Variants in CNBD1 observed in about 807,000 individuals in gnomAD.
CNBD1 encodes cyclic nucleotide binding domain containing 1, also known as cyclic nucleotide-binding domain-containing protein 1.
In CNBD1, 71 loss-of-function variants were observed where a neutral mutation model predicts 54.4. That is an observed-to-expected ratio of 1.30 (90% CI 1.08 to 1.59). The LOEUF is 1.59. CNBD1 is among the 40% of genes most tolerant of loss of function. CNBD1 has a pLI of 0.00. For synonymous variants in CNBD1, 182 were observed against 170.7 expected, an observed-to-expected ratio of 1.07 and a Z score of -0.51; for missense variants, 659 against 518.0, an observed-to-expected ratio of 1.27 and a Z score of -2.64.
chr8:87,011,119 T>A (rs1180397264), intron 4 of CNBD1, among the ~76,000 whole-genome samples: 1 of 151,974 alleles, frequency 6.6e-6, no homozygotes, highest in Non-Finnish European at 1.5e-5. Flanking sequence ...GTTTATTTTG[T>A]CCCTAAAGTG....
At chr8:86,966,174 T>G (rs1216942034) in intron 4 of CNBD1, among the ~76,000 whole-genome samples, 1 of 152,176 alleles carries the variant, frequency 6.6e-6, no homozygotes, top group Non-Finnish European at 1.5e-5. Flanking sequence ...CGGGACCTCC[T>G]TGGCCTGAAG....
chr8:87,178,917 G>C (rs1316616079), intron 4 of CNBD1, among the ~76,000 whole-genome samples: 3 of 152,114 alleles, frequency 2.0e-5, no homozygotes, highest in Admixed American at 2.0e-4. Context: ...TTGTTTGTTT[G>C]TTTGTTTGAG....
chr8:87,026,504 G>T lies in CNBD1; in HGVS notation c.431+86750G>T, dbSNP rs961173705. Among the ~76,000 whole-genome samples, 8 of 151,982 alleles carry T rather than the reference G, an allele frequency of 5.3e-5. No individual in the cohort carries two copies. The East Asian group carries it at 9.7e-4, about 18-fold the overall frequency. ...GTAAGCAAAATCTATTCTAAATTCT[G>T]CCTAATCTTCAGATTATTGGTTTAT... On this transcript the variant is annotated intron_variant, in intron 4 of 10. Transcript: ENST00000518476.
At chr8:87,427,240 G>GT (rs1257775606) in intron 2 of CNBD1, among the ~76,000 whole-genome samples, 4 of 152,102 alleles carry the variant, frequency 2.6e-5, no homozygotes. Flanking sequence ...TCTTTTGTAT[G>GT]TTAGTTGGCT....
intron 4 of CNBD1, among the ~76,000 whole-genome samples, chr8:87,078,043 C>T (rs1309352742): frequency 2.0e-5 from 3 of 152,170 alleles, no homozygotes; most frequent in Non-Finnish European, 4.4e-5. Context: ...TTCCAAATGT[C>T]ATCACATTAA....
intron 10 of CNBD1, among the ~76,000 whole-genome samples, chr8:87,358,586 G>C (rs181271177): frequency 1.3e-4 from 20 of 152,096 alleles, no homozygotes; most frequent in African/African-American, 4.8e-4. Flanking sequence ...GAACCAATAG[G>C]ATATATATAA....
At chr8:87,427,937 G>GC (rs367723282) in intron 2 of CNBD1, among the ~76,000 whole-genome samples, 11 of 152,074 alleles carry the variant, frequency 7.2e-5, no homozygotes, top group African/African-American at 2.4e-4. Context: ...CTTCACCAAA[G>GC]CCCCCCCAGC....
chr8:87,238,822 A>G (rs1457312019), intron 6 of CNBD1, among the ~76,000 whole-genome samples: 2 of 152,056 alleles, frequency 1.3e-5, no homozygotes, highest in African/African-American at 2.4e-5. Context: ...GGATTAGATC[A>G]TTCATCTTAA....
At chr8:86,992,044 T>C (rs1808760774) in intron 4 of CNBD1, among the ~76,000 whole-genome samples, 1 of 152,136 alleles carries the variant, frequency 6.6e-6, no homozygotes, top group South Asian at 2.1e-4. Context: ...TGAGTGTAAA[T>C]TTTGAGTCTA....
chr8:87,044,852 C>G (rs543540837), intron 4 of CNBD1, among the ~76,000 whole-genome samples: 1 of 152,284 alleles, frequency 6.6e-6, no homozygotes, highest in Admixed American at 6.5e-5. Context: ...ACCTTGGCTG[C>G]CTGGCCTACT....
intron 4 of CNBD1, among the ~76,000 whole-genome samples, chr8:87,131,769 G>GA (rs1042294216): frequency 2.6e-5 from 4 of 151,380 alleles, no homozygotes; most frequent in Admixed American, 6.6e-5. Flanking sequence ...ATCAAATTAT[G>GA]AAAAAAAATA....
intron 4 of CNBD1, among the ~76,000 whole-genome samples, chr8:86,988,711 C>T (rs529827394): frequency 9.9e-5 from 15 of 152,162 alleles, no homozygotes; most frequent in South Asian, 4.2e-4. Context: ...TTATTCTCTT[C>T]TCTACCTCCA....
rs551567799 is a variant in CNBD1, at chr8:87,173,963, T to G, written c.432-32030T>G. Among the ~76,000 whole-genome samples, 204 of 146,256 alleles carry G rather than the reference T, an allele frequency of 1.4e-3. 3 individuals carry two copies. The highest frequency in any genetic ancestry group is 5.3e-3 in the African/African-American group (192 of 36,448). On this transcript the variant is annotated intron_variant, in intron 4 of 10. Coordinates refer to ENST00000518476, the MANE Select transcript of CNBD1 (RefSeq NM_173538.3). ...TTGTTTCTTTTTATTTATTTATTTA[T>G]TATTATTATTATTTTTGATGGAGTC...
At chr8:87,108,025 A>G (rs751764160) in intron 4 of CNBD1, among the ~76,000 whole-genome samples, 10 of 152,218 alleles carry the variant, frequency 6.6e-5, no homozygotes, top group Non-Finnish European at 1.5e-4. Flanking sequence ...TTATAGTATT[A>G]TATAGTACTC....
chr8:87,248,500 T>G (rs1006280673), intron 6 of CNBD1, among the ~76,000 whole-genome samples: 4 of 152,232 alleles, frequency 2.6e-5, no homozygotes, highest in African/African-American at 4.8e-5. Context: ...GTGTTCACAT[T>G]TTTTTCTTTT....
intron 8 of CNBD1, among the ~76,000 whole-genome samples, chr8:87,327,846 T>G (rs1002393425): frequency 6.6e-5 from 10 of 152,198 alleles, no homozygotes; most frequent in Admixed American, 5.9e-4. Context: ...TAGGTTTTCT[T>G]CTAGGAGTTT....
At chr8:87,317,085 A>AT (rs1417650804) in intron 8 of CNBD1, among the ~76,000 whole-genome samples, 3 of 151,800 alleles carry the variant, frequency 2.0e-5, no homozygotes, top group African/African-American at 4.8e-5. Flanking sequence ...GTTATAAGAA[A>AT]TTTTTTTGTG....
At chr8:87,272,161 T>C (rs1176128813) in intron 6 of CNBD1, among the ~76,000 whole-genome samples, 2 of 151,908 alleles carry the variant, frequency 1.3e-5, no homozygotes, top group African/African-American at 4.8e-5. Flanking sequence ...AAATAAGACC[T>C]GGTGTTTGAT....
chr8:87,413,689 A>G (rs1008660105), intron 2 of CNBD1, among the ~76,000 whole-genome samples: 2 of 151,726 alleles, frequency 1.3e-5, no homozygotes, highest in East Asian at 3.9e-4. Context: ...AAAACAAGCA[A>G]CCCCATCAAA....
Sources: allele counts gnomAD v4.1 joint callset (sites outside exome capture counted in the v4.1 genomes callset), GRCh38; gene constraint gnomAD v4.1.1; transcripts MANE v1.5; gene names NCBI Gene and HGNC (gene_info 2026-07-23, HGNC 2026-07-21).